ZNF140: variants seen among roughly 807,000 people sequenced by gnomAD.
The protein encoded by ZNF140 is zinc finger protein 140 (clone pHZ-39).
A neutral mutation model predicts 12.9 loss-of-function variants in ZNF140; 13 were observed. That is an observed-to-expected ratio of 1.01 (90% CI 0.66 to 1.60). ZNF140 has a LOEUF of 1.60. Ranked by LOEUF, ZNF140 falls within the 40% of genes most tolerant of loss-of-function variation. ZNF140 has a pLI of 0.00. For synonymous variants in ZNF140, 214 were observed against 186.7 expected, an observed-to-expected ratio of 1.15 and a Z score of -1.19; for missense variants, 531 against 548.8, an observed-to-expected ratio of 0.97 and a Z score of 0.32.
At chr12:133,093,302 T>C in intron 4 of ZNF140, 2 of 614,884 alleles carry the variant, frequency 3.3e-6, no homozygotes, top group Non-Finnish European at 5.8e-6. Context: ...CCAGTAAGTA[T>C]AGTTAGTTGT....
intron 4 of ZNF140, among the ~76,000 whole-genome samples, chr12:133,095,251 G>A (rs1955027602): frequency 6.6e-6 from 1 of 150,982 alleles, no homozygotes; most frequent in Non-Finnish European, 1.5e-5. Flanking sequence ...TTCTGTAGAA[G>A]CTTTAACTCC....
rs1241847327 is a variant in ZNF140, at chr12:133,105,497, T to G, written c.233-13T>G. 3.2e-6 allele frequency: 5 copies of G among 1,563,104 alleles called. No homozygotes were observed. The highest frequency in any genetic ancestry group is 1.4e-5 in the African/African-American group (1 of 72,480). The stretch of plus-strand genomic sequence containing the variant: ...GAAAAAGAAACATTCACTTTTTTTT[T>G]GGTATCTTTCAGTTTCAGAGTCAAG... On this transcript the variant is annotated splice_polypyrimidine_tract_variant and intron_variant, in intron 4 of 4. Transcript: ENST00000355557.
Position 133,096,175 on chromosome 12 carries a change from G to T in ZNF140, c.233-9335G>T, listed in dbSNP as rs987779686. 3.6e-5 allele frequency among the ~76,000 whole-genome samples: 5 copies of T among 139,774 alleles called. 1 individual carries two copies. Among genetic ancestry groups the T allele is most frequent in the Admixed American group, 1.4e-4 (2 of 14,598 alleles). The allele number at this position is 139,774 out of a possible 152,430, so 91.7% of individuals were successfully genotyped here. ...GCAGAGGTCCCTGTGGCTTTCTGCAGTGCATGTGCCCCTGGTTTATTGAGA... is the reference window on the plus strand; with the variant it reads ...GCAGAGGTCCCTGTGGCTTTCTGCATTGCATGTGCCCCTGGTTTATTGAGA... On this transcript the variant is annotated intron_variant, in intron 4 of 4. Transcript: ENST00000355557.
chr12:133,085,085 C>T (rs199873311), intron 4 of ZNF140, among the ~76,000 whole-genome samples: 1 of 151,306 alleles, frequency 6.6e-6, no homozygotes, highest in South Asian at 2.1e-4. Context: ...AGTGCGATGG[C>T]GCGATCTCAG....
rs967461462 is a variant in ZNF140 at position 133,086,792 on chromosome 12, A to C, written c.232+3231A>C. 3.6e-3 allele frequency among the ~76,000 whole-genome samples: 545 copies of C among 152,220 alleles called. 4 individuals are homozygous for C. The highest frequency in any genetic ancestry group is 0.013 in the African/African-American group (519 of 41,512). The stretch of plus-strand genomic sequence containing the variant: ...TACTTATTTTGCCATTCACATTTCG[A>C]TCCATCGTTCACTTTATTTTGTCAT... On this transcript the variant is annotated intron_variant, in intron 4 of 4. Transcript: ENST00000355557.
chr12:133,093,766 T>C (rs1341399525), intron 4 of ZNF140, among the ~76,000 whole-genome samples: 1 of 151,140 alleles, frequency 6.6e-6, no homozygotes, highest in Non-Finnish European at 1.5e-5. Context: ...TATTCCTTAC[T>C]TTTTGTCTCC....
At chr12:133,089,765 T>G (rs968070791) in intron 4 of ZNF140, among the ~76,000 whole-genome samples, 3 of 152,218 alleles carry the variant, frequency 2.0e-5, no homozygotes, top group Admixed American at 6.5e-5. Flanking sequence ...TAGAGGCTTA[T>G]TGATTTTAAT....
At chr12:133,087,421 A>G (rs1954710975) in intron 4 of ZNF140, among the ~76,000 whole-genome samples, 1 of 152,048 alleles carries the variant, frequency 6.6e-6, no homozygotes. Flanking sequence ...ATCATAGTCA[A>G]GAGGCTTCAA....
intron 4 of ZNF140, among the ~76,000 whole-genome samples, chr12:133,092,652 C>T (rs1954932474): frequency 6.6e-6 from 1 of 151,060 alleles, no homozygotes; most frequent in Non-Finnish European, 1.5e-5. Flanking sequence ...CCCTTTTCAC[C>T]CCATTTCCAT....
chr12:133,096,064 G>GGAT (rs1232050750), intron 4 of ZNF140, among the ~76,000 whole-genome samples: 1 of 151,266 alleles, frequency 6.6e-6, no homozygotes, highest in Admixed American at 6.6e-5. Context: ...TCGGGCTGGG[G>GGAT]GATGGTCAGG....
chr12:133,104,334 A>G (rs1424219285), intron 4 of ZNF140, among the ~76,000 whole-genome samples: 1 of 148,492 alleles, frequency 6.7e-6, no homozygotes, highest in African/African-American at 2.5e-5. Flanking sequence ...ATTTCCTAAT[A>G]AGAATTTCCT....
chr12:133,084,148 G>C, intron 4 of ZNF140: 1 of 436,698 alleles, frequency 2.3e-6, no homozygotes, highest in South Asian at 1.7e-5. Flanking sequence ...AGTTCTGTCT[G>C]GTCTCTGAAT....
chr12:133,106,311 T>G lies in ZNF140; in HGVS notation c.1034T>G (p.Ile345Ser), dbSNP rs745306844. ...RKAFRCHSFL[I>S]KHQRIHAGEK... ...GCTTTCCGTTGTCACTCATTCCTTA[T>G]TAAACATCAGAGAATTCATGCTGGA... The change falls in exon 5 of 5, where the codon ATT becomes AGT. Residue 345 changes from isoleucine to serine, a missense_variant. Ile to Ser is a moderately radical substitution (Grantham distance 142, BLOSUM62 -2). Transcript: ENST00000355557. The G allele has an allele frequency of 1.6e-5, 26 of 1,614,202 alleles. 1 individual carries two copies. The South Asian group carries it at 2.7e-4, about 17-fold the overall frequency.
rs1954559482 is a variant in ZNF140, at chr12:133,083,111, G to A, written c.18G>A (p.Val6=). The A allele has an allele frequency of 6.2e-7, 1 of 1,614,202 alleles. No individual in the cohort carries two copies. Among genetic ancestry groups the A allele is most frequent in the Non-Finnish European group, 8.5e-7 (1 of 1,180,044 alleles). The change falls in exon 3 of 5, where the codon GTG becomes GTA. Residue 6 remains valine (V), a synonymous_variant. Transcript: ENST00000355557. The part of the protein sequence containing the change: MSQGS[V]TFRDVAIDFS... ...TCTGTCCGTCATTTCAGGGGTCAGT[G>A]ACATTCAGAGATGTGGCCATAGACT...
At chr12:133,090,791 A>T (rs1262925617) in intron 4 of ZNF140, among the ~76,000 whole-genome samples, 1 of 139,680 alleles carries the variant, frequency 7.2e-6, no homozygotes, top group Non-Finnish European at 1.6e-5. Flanking sequence ...GTCAGCAAAA[A>T]ACATGTGAGC....
chr12:133,106,628 T>C lies in ZNF140; in HGVS notation c.1351T>C (p.Ser451Pro), dbSNP rs1335018391. 2 of 1,596,506 alleles carry C rather than the reference T, an allele frequency of 1.3e-6. No homozygotes were observed. Among genetic ancestry groups the C allele is most frequent in the South Asian group, 1.1e-5 (1 of 87,980 alleles). ...YEYENSFNYH[S>P]FLTEHQ is the part of the protein sequence containing the mutation. ...ATATGAAAATTCATTTAATTACCAC[T>C]CATTCCTTACTGAACACCAGTGAAT... The change falls in exon 5 of 5, where the codon TCA becomes CCA. Residue 451 changes from serine (S) to proline (P), a missense_variant. Ser to Pro is a moderately conservative substitution (Grantham distance 74). Coordinates refer to ENST00000355557, the MANE Select transcript of ZNF140 (RefSeq NM_003440.4).
At chr12:133,099,389 C>T (rs1205595058) in intron 4 of ZNF140, among the ~76,000 whole-genome samples, 1 of 152,148 alleles carries the variant, frequency 6.6e-6, no homozygotes, top group African/African-American at 2.4e-5. Flanking sequence ...GTTGGCCAGG[C>T]TGGTCTCAAA....
chr12:133,090,395 G>A (rs951809220), intron 4 of ZNF140, among the ~76,000 whole-genome samples: 7 of 151,742 alleles, frequency 4.6e-5, no homozygotes, highest in Admixed American at 3.3e-4. Context: ...TACCCACCTT[G>A]GCCTCCCAAA....
chr12:133,096,027 C>T (rs1051832077), intron 4 of ZNF140, among the ~76,000 whole-genome samples: 3 of 150,978 alleles, frequency 2.0e-5, no homozygotes, highest in Non-Finnish European at 4.4e-5. Context: ...TTTACCAATC[C>T]ACCTCAGCAC....
Sources: gnomAD v4.1 joint callset for allele counts (sites outside exome capture counted in the v4.1 genomes callset) on GRCh38, gnomAD v4.1.1 for gene constraint, MANE v1.5 for transcripts, NCBI Gene and HGNC (gene_info 2026-07-23, HGNC 2026-07-21) for gene names.